NELL2: variants seen among roughly 807,000 people sequenced by gnomAD.
NELL2 encodes protein kinase C-binding protein NELL2.
A neutral mutation model predicts 109.6 loss-of-function variants in NELL2; 41 were observed. That is an observed-to-expected ratio of 0.37 (90% confidence interval 0.29 to 0.49). The LOEUF is 0.49. Ranked by LOEUF, NELL2 falls within the 20% of genes least tolerant of loss-of-function variation. NELL2 has a pLI of 0.98. For missense variants in NELL2, 900 were observed against 1,008.3 expected (o/e 0.89, Z 1.45); for synonymous variants, 355 against 344.7 (o/e 1.03, Z -0.33).
At chr12:44,526,753 G>C (rs913546978) in intron 16 of NELL2, among the ~76,000 whole-genome samples, 17 of 152,208 alleles carry the variant, frequency 1.1e-4, no homozygotes, top group African/African-American at 4.1e-4. Context: ...GCAGAAGAAT[G>C]GGGAGGGATG....
At chr12:44,858,118 T>G (rs1158346686) in intron 2 of NELL2, among the ~76,000 whole-genome samples, 2 of 152,182 alleles carry the variant, frequency 1.3e-5, no homozygotes. Context: ...CATAGTTTTG[T>G]TCCTATGATG....
chr12:44,523,367 A>T lies in NELL2; in HGVS notation c.1922T>A (p.Ile641Asn). The T allele has an allele frequency of 6.2e-7, 1 of 1,614,216 alleles. No individual in the cohort carries two copies. The highest frequency in any genetic ancestry group is 8.5e-7 in the Non-Finnish European group (1 of 1,180,030). ...PHGKNCTGDCIHDGKVKHNGQ... is the reference protein window; with the variant it reads ...PHGKNCTGDCNHDGKVKHNGQ... ...ATTGTGCTTAACTTTTCCATCATGG[A>T]TGCAGTCCCCTGTGCAATTCTTTCC... Residue 641 changes from isoleucine (I) to asparagine (N), a missense_variant, in exon 17 of 20, where the codon ATC (isoleucine) becomes AAC (asparagine). Around this residue, in one of 4 missense-constraint regions of NELL2, gnomAD observed 333 missense variants for 432.3 expected, o/e 0.77. Coordinates refer to ENST00000429094, the MANE Select transcript of NELL2 (RefSeq NM_001145108.2).
At chr12:44,811,677 C>T (rs1943185002) in intron 3 of NELL2, among the ~76,000 whole-genome samples, 1 of 152,046 alleles carries the variant, frequency 6.6e-6, no homozygotes, top group Non-Finnish European at 1.5e-5. Flanking sequence ...TTTAATTAGG[C>T]TTCAGAGCAG....
At chr12:44,617,678 C>A in intron 13 of NELL2, among the ~76,000 whole-genome samples, 1 of 34,990 alleles carries the variant, frequency 2.9e-5, no homozygotes, top group Non-Finnish European at 4.3e-5. Flanking sequence ...GGCGACAGAG[C>A]GAGACTCCGT....
intron 3 of NELL2, among the ~76,000 whole-genome samples, chr12:44,812,409 A>T (rs1943209322): frequency 6.6e-6 from 1 of 152,156 alleles, no homozygotes; most frequent in Non-Finnish European, 1.5e-5. Context: ...TGACCACAAA[A>T]GGCCATATGA....
At chr12:44,776,464 A>T (rs1318568403) in intron 7 of NELL2, among the ~76,000 whole-genome samples, 1 of 152,220 alleles carries the variant, frequency 6.6e-6, no homozygotes, top group Non-Finnish European at 1.5e-5. Context: ...AAAATGTTTA[A>T]TTTCATTTAT....
chr12:44,541,169 T>C (rs1413334842), intron 15 of NELL2, among the ~76,000 whole-genome samples: 1 of 140,304 alleles, frequency 7.1e-6, no homozygotes, highest in African/African-American at 2.6e-5. Flanking sequence ...GAGAATGGTG[T>C]GAACCCAGGA....
chr12:44,627,563 A>G (rs1034818387), intron 13 of NELL2, among the ~76,000 whole-genome samples: 3 of 152,200 alleles, frequency 2.0e-5, no homozygotes, highest in African/African-American at 7.2e-5. Flanking sequence ...ACACAGACAC[A>G]AACAATTGTA....
At chr12:44,576,814 C>G (rs1423142194) in intron 15 of NELL2, among the ~76,000 whole-genome samples, 2 of 151,512 alleles carry the variant, frequency 1.3e-5, no homozygotes, top group East Asian at 1.9e-4. Context: ...TTTGTTCTTG[C>G]GATAGTTTAC....
At chr12:44,532,832 G>C in intron 15 of NELL2, 111 bp from the exon 16 acceptor site, 1 of 945,136 alleles carries the variant, frequency 1.1e-6, no homozygotes, top group Non-Finnish European at 1.5e-6. Context: ...CTTGAAACTG[G>C]GAAAATATAA....
At chr12:44,774,042 GA>G (rs952692879) in intron 9 of NELL2, among the ~76,000 whole-genome samples, 10 of 152,134 alleles carry the variant, frequency 6.6e-5, no homozygotes, top group African/African-American at 2.4e-4. Flanking sequence ...CTCCTTTGTG[GA>G]AAAAACAGCA....
chr12:44,758,218 T>C (rs1420224610), intron 9 of NELL2, among the ~76,000 whole-genome samples: 2 of 152,160 alleles, frequency 1.3e-5, no homozygotes, highest in African/African-American at 2.4e-5. Context: ...ATCCTCAAAC[T>C]ATTCAAAATC....
chr12:44,696,891 G>T (rs749922190), intron 12 of NELL2, among the ~76,000 whole-genome samples: 1 of 152,186 alleles, frequency 6.6e-6, no homozygotes, highest in African/African-American at 2.4e-5. Flanking sequence ...GTTGAGGGAA[G>T]TATACACAGA....
At chr12:44,869,892 C>T (rs979281498) in intron 2 of NELL2, among the ~76,000 whole-genome samples, 1 of 152,134 alleles carries the variant, frequency 6.6e-6, no homozygotes. Context: ...TTTTGCTCAA[C>T]AATTATTCCC....
chr12:44,827,070 G>C (rs1013540585), intron 2 of NELL2, among the ~76,000 whole-genome samples: 5 of 152,038 alleles, frequency 3.3e-5, no homozygotes, highest in African/African-American at 9.7e-5. Context: ...TTTTTTAAAA[G>C]ACAATTTTAA....
chr12:44,577,264 T>C (rs1210735493), intron 15 of NELL2, among the ~76,000 whole-genome samples: 1 of 112,400 alleles, frequency 8.9e-6, no homozygotes, highest in Non-Finnish European at 1.8e-5. Flanking sequence ...GGTATCTCAT[T>C]GTGGTTTTGA....
chr12:44,908,039 T>C (rs549178417), intron 1 of NELL2, among the ~76,000 whole-genome samples: 3 of 152,092 alleles, frequency 2.0e-5, no homozygotes, highest in African/African-American at 4.8e-5. Context: ...AAGTCATCCA[T>C]TGGAAGTCAT....
At position 44,552,550 on chromosome 12, in the gene NELL2, T is replaced by C. The variant is rs189931345; in HGVS notation, c.1664-19829A>G. 2.2e-3 allele frequency among the ~76,000 whole-genome samples: 341 copies of C among 152,286 alleles called. 3 individuals carry two copies. Among genetic ancestry groups the C allele is most frequent in the Non-Finnish European group, 6.5e-4 (44 of 68,026 alleles). ...TGAAGATAATTATACTAAAATTTTA[T>C]ATTAGATTGTTTCTTTTTCCAGGTT... is the stretch of plus-strand genomic sequence containing the variant. On this transcript the variant is annotated intron_variant, in intron 15 of 19. Transcript: ENST00000429094.
intron 9 of NELL2, among the ~76,000 whole-genome samples, chr12:44,742,168 G>A (rs1481635924): frequency 6.6e-6 from 1 of 152,062 alleles, no homozygotes; most frequent in Non-Finnish European, 1.5e-5. Flanking sequence ...CCGCTGTTCT[G>A]CAGCCACTGC....
Sources: allele counts gnomAD v4.1 joint callset (sites outside exome capture counted in the v4.1 genomes callset), GRCh38; gene constraint gnomAD v4.1.1; regional missense constraint gnomAD v4.1.1; transcripts MANE v1.5; gene names NCBI Gene and HGNC (gene_info 2026-07-23, HGNC 2026-07-21).